Variants in FOXP1 observed in about 807,000 individuals in gnomAD.
FOXP1 encodes the protein forkhead box protein P1.
A neutral mutation model predicts 98.2 loss-of-function variants in FOXP1; 15 were observed. That is an observed-to-expected ratio of 0.15 (90% CI 0.10 to 0.24). The LOEUF is 0.24. FOXP1 is among the 10% of genes least tolerant of loss of function. The pLI is 1.00. For missense variants in FOXP1, 633 were observed against 848.5 expected (o/e 0.75, Z 3.15); for synonymous variants, 371 against 314.5 (o/e 1.18, Z -1.90).
intron 3 of FOXP1, among the ~76,000 whole-genome samples, chr3:71,382,536 G>T (rs776002825): frequency 1.2e-4 from 18 of 152,138 alleles, no homozygotes; most frequent in Non-Finnish European, 2.1e-4. Context: ...AGAGTTTCAA[G>T]AATTTTTCTG....
chr3:71,007,445 T>A (rs1451097769), intron 12 of FOXP1, among the ~76,000 whole-genome samples: 1 of 152,212 alleles, frequency 6.6e-6, no homozygotes, highest in Non-Finnish European at 1.5e-5. Context: ...ATTTATGATA[T>A]CCGGCCTCCT....
rs781486254 is a variant in FOXP1, at chr3:71,198,231, G to A, written c.151C>T (p.Leu51Phe). 27 of 1,613,972 alleles carry A rather than the reference G, an allele frequency of 1.7e-5. No individual in the cohort carries two copies. Among genetic ancestry groups the A allele is most frequent in the African/African-American group, 4.0e-5 (3 of 74,942 alleles). ...TPAVDIGAAD[L>F]AHAQQQQQQA... ...TGCTGCTGCTGCTGGGCGTGGGCGA[G>A]GTCAGCTGCCCCGATGTCCACGGCC... Residue 51 changes from leucine (L) to phenylalanine (F), a missense_variant, in exon 6 of 21, where the codon CTC becomes TTC. Physicochemically the swap from Leu to Phe is conservative, Grantham distance 22 (BLOSUM62 0). Around this residue, in one of 6 missense-constraint regions of FOXP1, gnomAD observed 103 missense variants for 85.5 expected, o/e 1.20. Transcript: ENST00000649528.
At chr3:71,056,819 A>AT (rs140633288) in intron 7 of FOXP1, among the ~76,000 whole-genome samples, 5,036 of 149,700 alleles carry the variant, frequency 0.034, 302 homozygotes, top group African/African-American at 0.12. Context: ...TAGAAAAGAA[A>AT]TTAAAAAAAA....
At chr3:71,358,297 A>G (rs1414976523) in intron 4 of FOXP1, among the ~76,000 whole-genome samples, 2 of 150,174 alleles carry the variant, frequency 1.3e-5, no homozygotes, top group African/African-American at 4.8e-5. Flanking sequence ...GATACTAAAA[A>G]GAAAGACATT....
chr3:71,174,908 C>T (rs1212900521), intron 6 of FOXP1, among the ~76,000 whole-genome samples: 2 of 149,358 alleles, frequency 1.3e-5, no homozygotes, highest in African/African-American at 2.5e-5. Flanking sequence ...AGTTGGAGTA[C>T]ATAAATGTTT....
chr3:71,427,331 A>G (rs1234999000), intron 3 of FOXP1, among the ~76,000 whole-genome samples: 1 of 152,164 alleles, frequency 6.6e-6, no homozygotes, highest in Non-Finnish European at 1.5e-5. Flanking sequence ...CACAGAGCAA[A>G]AGGAGCAGGG....
At position 71,154,906 on chromosome 3, in the gene FOXP1, C is replaced by T. The variant is rs73123541; in HGVS notation, c.181-42269G>A. Among the ~76,000 whole-genome samples, 306 of 152,044 alleles carry T rather than the reference C, an allele frequency of 2.0e-3. 1 individual carries two copies. The highest frequency in any genetic ancestry group is 3.5e-3 in the Admixed American group (53 of 15,284). On this transcript the variant is annotated intron_variant, in intron 6 of 20. Coordinates refer to ENST00000649528, the MANE Select transcript of FOXP1 (RefSeq NM_001349338.3). The stretch of plus-strand genomic sequence containing the variant: ...TTTTTTAACATTTGCAATAAGATTT[C>T]AAAATAGAAAATTTGAATTTGTCAA...
chr3:71,378,093 G>GA (rs1560395846), intron 3 of FOXP1, among the ~76,000 whole-genome samples: 1 of 18,608 alleles, frequency 5.4e-5, no homozygotes, highest in African/African-American at 1.0e-4. Context: ...TACAGGCCAA[G>GA]AAACAAAAAA....
chr3:71,160,665 T>C (rs775861486), intron 6 of FOXP1, among the ~76,000 whole-genome samples: 22 of 152,330 alleles, frequency 1.4e-4, no homozygotes, highest in South Asian at 8.3e-4. Flanking sequence ...AGGTGCTCCA[T>C]AGCTACATTG....
chr3:71,513,952 A>G (rs2042381450), intron 2 of FOXP1, among the ~76,000 whole-genome samples: 1 of 152,186 alleles, frequency 6.6e-6, no homozygotes, highest in African/African-American at 2.4e-5. Flanking sequence ...TTCCATTTCT[A>G]ATAAAACTAT....
chr3:71,563,534 A>G (rs1482560048), intron 2 of FOXP1, among the ~76,000 whole-genome samples: 9 of 152,186 alleles, frequency 5.9e-5, no homozygotes, highest in Non-Finnish European at 1.3e-4. Context: ...CTTTATTTAG[A>G]TATAACCACC....
At chr3:71,083,641 C>T (rs2054700517) in intron 7 of FOXP1, among the ~76,000 whole-genome samples, 3 of 152,156 alleles carry the variant, frequency 2.0e-5, no homozygotes, top group Non-Finnish European at 4.4e-5. Context: ...TCTCAGAAGC[C>T]CTCTGGCCTC....
At chr3:71,091,034 A>G (rs1255798666) in intron 7 of FOXP1, among the ~76,000 whole-genome samples, 2 of 151,410 alleles carry the variant, frequency 1.3e-5, no homozygotes, top group African/African-American at 2.4e-5. Flanking sequence ...TCATCATAAT[A>G]TAATGATCAG....
intron 7 of FOXP1, among the ~76,000 whole-genome samples, chr3:71,089,906 CA>C (rs894927237): frequency 7.9e-5 from 12 of 152,136 alleles, no homozygotes; most frequent in African/African-American, 2.9e-4. Context: ...AAGTCCATGG[CA>C]AAGTGGGAAT....
intron 7 of FOXP1, among the ~76,000 whole-genome samples, chr3:71,080,003 G>A (rs3912113): frequency 0.21 from 31,364 of 152,118 alleles, 4,274 homozygotes; most frequent in East Asian, 0.54. Context: ...CACAAGACAC[G>A]CCAATTGCTC....
At chr3:71,167,032 C>T (rs1325599535) in intron 6 of FOXP1, among the ~76,000 whole-genome samples, 1 of 151,966 alleles carries the variant, frequency 6.6e-6, no homozygotes, top group Non-Finnish European at 1.5e-5. Context: ...GCCAGCTTTG[C>T]ACTTACATAT....
chr3:71,178,347 G>A (rs2062073897), intron 6 of FOXP1, among the ~76,000 whole-genome samples: 1 of 151,492 alleles, frequency 6.6e-6, no homozygotes, highest in Non-Finnish European at 1.5e-5. Flanking sequence ...TGTTGGCCAA[G>A]ATGGTCTCAG....
intron 2 of FOXP1, among the ~76,000 whole-genome samples, chr3:71,540,058 C>T (rs1032763445): frequency 6.6e-6 from 1 of 152,182 alleles, no homozygotes; most frequent in Non-Finnish European, 1.5e-5. Context: ...AATAAATATG[C>T]CCTTAAATAT....
At chr3:71,130,540 C>T (rs879091893) in intron 6 of FOXP1, 3 of 1,598,286 alleles carry the variant, frequency 1.9e-6, no homozygotes, top group South Asian at 2.2e-5. Flanking sequence ...GTACTGTCTG[C>T]CTTTGGATTT....
Sources: gnomAD v4.1 joint callset for allele counts (sites outside exome capture counted in the v4.1 genomes callset) on GRCh38, gnomAD v4.1.1 for gene constraint, gnomAD v4.1.1 regional missense constraint, MANE v1.5 for transcripts, NCBI Gene and HGNC (gene_info 2026-07-23, HGNC 2026-07-21) for gene names.